FBXL13: variants seen among roughly 807,000 people sequenced by gnomAD.
FBXL13 encodes the protein F-box and leucine rich repeat protein 13.
In FBXL13, 67 loss-of-function variants were observed where a neutral mutation model predicts 83.6. The observed-to-expected ratio is 0.80, with a 90% CI of 0.66 to 0.98. The LOEUF is 0.98. Ranked by LOEUF, FBXL13 falls within the 50% of genes least tolerant of loss-of-function variation. The probability of loss-of-function intolerance (pLI) is 0.00; values close to 1 mark genes in which losing one functional copy is unlikely to be tolerated. For synonymous variants in FBXL13, 272 were observed against 299.5 expected (o/e 0.91, Z 0.95); for missense variants, 822 against 866.5 (o/e 0.95, Z 0.64).
At chr7:103,067,518 G>C (rs557729319) in intron 1 of FBXL13, among the ~76,000 whole-genome samples, 2 of 152,346 alleles carry the variant, frequency 1.3e-5, no homozygotes, top group African/African-American at 2.4e-5. Context: ...TATAAAAGGA[G>C]ATTTTACTTG....
chr7:102,985,028 G>A (rs1828774014), intron 6 of FBXL13, among the ~76,000 whole-genome samples: 1 of 152,044 alleles, frequency 6.6e-6, no homozygotes, highest in Non-Finnish European at 1.5e-5. Flanking sequence ...CTTGATTGGG[G>A]TCCTGCATTG....
intron 6 of FBXL13, among the ~76,000 whole-genome samples, chr7:103,009,580 G>A (rs1791370126): frequency 6.6e-6 from 1 of 152,232 alleles, no homozygotes; most frequent in Non-Finnish European, 1.5e-5. Context: ...TTTTTGAGGG[G>A]CAACTCCTGA....
At chr7:102,828,280 C>A (rs1488114367) in intron 18 of FBXL13, among the ~76,000 whole-genome samples, 1 of 151,976 alleles carries the variant, frequency 6.6e-6, no homozygotes, top group Non-Finnish European at 1.5e-5. Context: ...TTGTAGTTCT[C>A]CTTGAAGAGG....
chr7:102,915,676 A>T (rs532181715), intron 10 of FBXL13, among the ~76,000 whole-genome samples: 2 of 152,344 alleles, frequency 1.3e-5, no homozygotes, highest in East Asian at 3.9e-4. Context: ...GCATAAAATA[A>T]AATATATAAG....
chr7:102,840,966 G>A (rs1432559090), intron 17 of FBXL13, among the ~76,000 whole-genome samples: 1 of 152,164 alleles, frequency 6.6e-6, no homozygotes, highest in Non-Finnish European at 1.5e-5. Context: ...TGTATGTGAT[G>A]AGGGCTTTAG....
chr7:102,852,633 A>G (rs1805436439), intron 17 of FBXL13, among the ~76,000 whole-genome samples: 1 of 152,230 alleles, frequency 6.6e-6, no homozygotes, highest in South Asian at 2.1e-4. Context: ...CAAAACCACA[A>G]TGCAAAACCA....
chr7:102,835,979 A>C (rs975424810), intron 17 of FBXL13, among the ~76,000 whole-genome samples: 4 of 152,228 alleles, frequency 2.6e-5, no homozygotes, highest in Non-Finnish European at 5.9e-5. Flanking sequence ...GAGGAACCAG[A>C]GAAAAATTAA....
chr7:102,964,322 A>T (rs139023055), intron 7 of FBXL13, among the ~76,000 whole-genome samples: 2,157 of 147,532 alleles, frequency 0.015, 23 homozygotes, highest in Non-Finnish European at 0.022. Context: ...AAAAAAAAAT[A>T]AATAAATAGA....
chr7:102,811,721 C>T (rs1357056353), downstream of FBXL13, among the ~76,000 whole-genome samples: 1 of 152,168 alleles, frequency 6.6e-6, no homozygotes, highest in East Asian at 1.9e-4. Flanking sequence ...TTTTTGAAAA[C>T]ATCTTTAATG....
At chr7:103,033,474 G>T (rs1794737136) in intron 2 of FBXL13, among the ~76,000 whole-genome samples, 1 of 152,192 alleles carries the variant, frequency 6.6e-6, no homozygotes, top group Non-Finnish European at 1.5e-5. Flanking sequence ...CGGCGTGTCT[G>T]GAGTTTGTTC....
intron 2 of FBXL13, chr7:103,047,157 T>C (rs929130808): frequency 2.0e-5 from 3 of 152,218 alleles, no homozygotes; most frequent in Non-Finnish European, 4.4e-5. Flanking sequence ...CAAGCGTACA[T>C]GAAGGTTTGA....
chr7:102,919,050 G>T (rs984011951), intron 10 of FBXL13, among the ~76,000 whole-genome samples: 1 of 152,176 alleles, frequency 6.6e-6, no homozygotes, highest in African/African-American at 2.4e-5. Context: ...TCCCACAGTG[G>T]TCACTGGAGC....
Position 102,978,658 on chromosome 7 carries a change from T to C in FBXL13, c.496-10541A>G, listed in dbSNP as rs537619716. The C allele has an allele frequency of 2.9e-5, 7 of 238,816 alleles. No individual in the cohort carries two copies. In the South Asian group the frequency reaches 4.3e-4, roughly 15 times the overall value. The allele number at this position is 238,816 out of a possible 1,614,324, so 14.8% of individuals were successfully genotyped here. A position where few individuals can be genotyped will look rare whatever the true frequency, so the allele number is the denominator to read the frequency against. On this transcript the variant is annotated intron_variant, in intron 6 of 19. Coordinates refer to ENST00000313221, the Ensembl canonical transcript of FBXL13. Reference sequence around the variant, plus strand: ...CACCCAGGTACTCATTAAAACAGCGTGTTGCTCCACACTGCCTCGTGTTGT... The same window carrying C: ...CACCCAGGTACTCATTAAAACAGCGCGTTGCTCCACACTGCCTCGTGTTGT...
intron 6 of FBXL13, among the ~76,000 whole-genome samples, chr7:103,005,115 C>G (rs984363845): frequency 6.6e-6 from 1 of 152,162 alleles, no homozygotes; most frequent in Non-Finnish European, 1.5e-5. Flanking sequence ...TTTCTGTCAA[C>G]TACACTTCAT....
At chr7:102,856,721 T>C (rs1237593845) in intron 16 of FBXL13, among the ~76,000 whole-genome samples, 1 of 152,170 alleles carries the variant, frequency 6.6e-6, no homozygotes, top group Non-Finnish European at 1.5e-5. Flanking sequence ...AGGATGGCTA[T>C]AATTTAAAAT....
intron 11 of FBXL13, among the ~76,000 whole-genome samples, chr7:102,890,275 G>GC (rs1811370104): frequency 1.3e-5 from 2 of 152,182 alleles, no homozygotes; most frequent in African/African-American, 4.8e-5. Context: ...TCTCATCACA[G>GC]CTGATATCTG....
chr7:102,884,381 C>G, intron 11 of FBXL13, 69 bp from the exon 13 acceptor site: 2 of 1,091,490 alleles, frequency 1.8e-6, no homozygotes, highest in Non-Finnish European at 2.8e-6. Flanking sequence ...GGAGTAATAA[C>G]CAAAGATACA....
At chr7:102,904,495 C>A (rs1813444531) in intron 11 of FBXL13, among the ~76,000 whole-genome samples, 1 of 151,794 alleles carries the variant, frequency 6.6e-6, no homozygotes, top group Non-Finnish European at 1.5e-5. Flanking sequence ...TTTTCTTAAT[C>A]TTGCTAAACA....
At chr7:102,899,490 C>T (rs1048471044) in intron 11 of FBXL13, among the ~76,000 whole-genome samples, 4 of 152,234 alleles carry the variant, frequency 2.6e-5, no homozygotes, top group African/African-American at 7.2e-5. Context: ...AAGAGAACCA[C>T]AAAGTGGCCT....
Sources: gnomAD v4.1 joint callset for allele counts (sites outside exome capture counted in the v4.1 genomes callset) on GRCh38, gnomAD v4.1.1 for gene constraint, MANE v1.5 for transcripts, NCBI Gene and HGNC (gene_info 2026-07-23, HGNC 2026-07-21) for gene names.